DRC11: variants seen among roughly 807,000 people sequenced by gnomAD.
DRC11 encodes the protein dynein regulatory complex subunit 11.
chr2:236,440,655 AAGG>A, the DRC11 span, among the ~76,000 whole-genome samples: 10 of 152,158 alleles, frequency 6.6e-5, no homozygotes, highest in African/African-American at 2.2e-4. Context: ...GGCACACCCA[AAGG>A]AGCAGTGGCA....
At chr2:236,488,781 G>A in the DRC11 span, among the ~76,000 whole-genome samples, 49 of 152,278 alleles carry the variant, frequency 3.2e-4, 1 homozygote, top group Middle Eastern at 6.8e-3. Flanking sequence ...GAAAAATCAG[G>A]GCTGGTAAGT....
the DRC11 span, among the ~76,000 whole-genome samples, chr2:236,326,512 T>A: frequency 6.6e-6 from 1 of 152,196 alleles, no homozygotes; most frequent in Non-Finnish European, 1.5e-5. Flanking sequence ...TCCTTTGTCA[T>A]TTTATACTGA....
the DRC11 span, among the ~76,000 whole-genome samples, chr2:236,495,376 G>C: frequency 1.3e-5 from 2 of 152,172 alleles, no homozygotes; most frequent in Non-Finnish European, 2.9e-5. This position sits in a 1 kb window ranked among gnomAD's most constrained non-coding sequence, Gnocchi z 5.6. Context: ...TTGAGGATGA[G>C]AAAACAGAGT....
At chr2:236,344,701 A>G in the DRC11 span, 1 of 1,284,202 alleles carries the variant, frequency 7.8e-7, no homozygotes, top group Non-Finnish European at 1.1e-6. Flanking sequence ...AGGTGTGCAG[A>G]GCCCTGGTTG....
At chr2:236,424,113 A>T in the DRC11 span, among the ~76,000 whole-genome samples, 1 of 151,808 alleles carries the variant, frequency 6.6e-6, no homozygotes, top group Non-Finnish European at 1.5e-5. Context: ...ATGACGAGTT[A>T]GTGGGTGCAG....
the DRC11 span, among the ~76,000 whole-genome samples, chr2:236,504,781 C>T: frequency 9.8e-5 from 15 of 152,308 alleles, no homozygotes; most frequent in South Asian, 8.3e-4. This position sits in a 1 kb window ranked among gnomAD's most constrained non-coding sequence, Gnocchi z 5.0. Flanking sequence ...CTCACGAGAT[C>T]GGACGATTTT....
chr2:236,358,421 T>A, the DRC11 span, among the ~76,000 whole-genome samples: 3 of 140,136 alleles, frequency 2.1e-5, no homozygotes, highest in South Asian at 4.3e-4. Context: ...ATATGATATA[T>A]GAATATATAT....
At chr2:236,488,193 T>C in the DRC11 span, 57 of 1,569,772 alleles carry the variant, frequency 3.6e-5, no homozygotes, top group Non-Finnish European at 4.8e-5. Context: ...AGGGTATTTC[T>C]GCAAAAAACA....
At chr2:236,423,101 G>C in the DRC11 span, among the ~76,000 whole-genome samples, 912 of 151,292 alleles carry the variant, frequency 6.0e-3, 8 homozygotes, top group African/African-American at 0.021. Context: ...AAAAACCCTA[G>C]AAGAAAACCT....
the DRC11 span, among the ~76,000 whole-genome samples, chr2:236,358,031 T>C: frequency 8.4e-6 from 1 of 118,808 alleles, no homozygotes; most frequent in Admixed American, 9.9e-5. Flanking sequence ...ATAATATGAA[T>C]ATATATTTAT....
the DRC11 span, among the ~76,000 whole-genome samples, chr2:236,400,080 C>A: frequency 6.6e-6 from 1 of 152,186 alleles, no homozygotes; most frequent in Non-Finnish European, 1.5e-5. The surrounding 1 kb of genome is among the most constrained non-coding windows in gnomAD (Gnocchi z 7.9). Flanking sequence ...TAGCCTGAGT[C>A]CATCTGCCTC....
At chr2:236,492,366 T>A in the DRC11 span, among the ~76,000 whole-genome samples, 1 of 152,194 alleles carries the variant, frequency 6.6e-6, no homozygotes, top group Non-Finnish European at 1.5e-5. Flanking sequence ...AGCACTGGGC[T>A]GGCAAATACA....
the DRC11 span, chr2:236,331,542 A>G: frequency 1.2e-6 from 2 of 1,614,032 alleles, no homozygotes; most frequent in Non-Finnish European, 1.7e-6. The surrounding 1 kb of genome is among the most constrained non-coding windows in gnomAD (Gnocchi z 4.8). Context: ...GGCAGCTGAC[A>G]TTCAAGGCAC....
the DRC11 span, among the ~76,000 whole-genome samples, chr2:236,349,393 A>G: frequency 6.6e-6 from 1 of 152,258 alleles, no homozygotes; most frequent in Non-Finnish European, 1.5e-5. The surrounding 1 kb of genome is among the most constrained non-coding windows in gnomAD (Gnocchi z 5.5). Flanking sequence ...TAACAAAGGC[A>G]AGATCTTATT....
At chr2:236,386,762 C>G in the DRC11 span, among the ~76,000 whole-genome samples, 1 of 149,398 alleles carries the variant, frequency 6.7e-6, no homozygotes, top group Non-Finnish European at 1.5e-5. Context: ...GTTAGGGTGT[C>G]AATTTTGGAT....
At chr2:236,387,351 A>G in the DRC11 span, among the ~76,000 whole-genome samples, 1 of 152,026 alleles carries the variant, frequency 6.6e-6, no homozygotes, top group East Asian at 1.9e-4. Flanking sequence ...GTGCTCCTGT[A>G]TTGGTGCATA....
the DRC11 span, among the ~76,000 whole-genome samples, chr2:236,459,624 C>CGTACGTATATACATATATACGTAT: frequency 4.8e-5 from 4 of 82,652 alleles, no homozygotes; most frequent in African/African-American, 1.8e-4. Context: ...TAAGTATATA[C>CGTACGTATATACATATATACGTAT]ATACGTATAT....
chr2:236,320,816 G>A, the DRC11 span, among the ~76,000 whole-genome samples: 894 of 130,552 alleles, frequency 6.8e-3, 14 homozygotes, highest in African/African-American at 0.021. Flanking sequence ...AGCTCCCTCC[G>A]CCGGTCCCTC....
At chr2:236,384,364 G>A in the DRC11 span, among the ~76,000 whole-genome samples, 3 of 152,062 alleles carry the variant, frequency 2.0e-5, no homozygotes, top group African/African-American at 7.2e-5. Context: ...ATTCTAACTG[G>A]TGTGAGATGG....
Sources: gnomAD v4.1 joint callset for allele counts (sites outside exome capture counted in the v4.1 genomes callset) on GRCh38, gnomAD v4.1.1 for gene constraint, Gnocchi (gnomAD v3.1) non-coding constraint, MANE v1.5 for transcripts, NCBI Gene and HGNC (gene_info 2026-07-23, HGNC 2026-07-21) for gene names.